The following PINX1 variants were observed in gnomAD, a reference collection of about 807,000 sequenced individuals.
PINX1 encodes the protein PIN2 (TERF1) interacting telomerase inhibitor 1.
PINX1 carries 34 observed loss-of-function variants against 25.4 expected under a neutral mutation model. The observed-to-expected ratio is 1.34, with a 90% CI of 1.02 to 1.78. The LOEUF (loss-of-function observed/expected upper bound fraction) is 1.78, where lower values mean the gene tolerates loss of function less well. PINX1 is among the 40% of genes most tolerant of loss of function. The pLI is 0.00. For missense variants in PINX1, 592 were observed against 404.9 expected (o/e 1.46, Z -3.97); for synonymous variants, 197 against 147.7 (o/e 1.33, Z -2.42).
At chr8:10,782,511 G>A (rs752352452) in intron 6 of PINX1, among the ~76,000 whole-genome samples, 73 of 152,104 alleles carry the variant, frequency 4.8e-4, no homozygotes, top group Non-Finnish European at 8.5e-4. Context: ...CAAGGCAGGC[G>A]GATCATCTGA....
intron 6 of PINX1, among the ~76,000 whole-genome samples, chr8:10,818,757 G>A (rs1034608898): frequency 6.6e-6 from 1 of 152,144 alleles, no homozygotes; most frequent in Non-Finnish European, 1.5e-5. Context: ...TGGGGTGGGG[G>A]CAGCTGTTGG....
At chr8:10,771,622 A>G (rs1269890396) in intron 6 of PINX1, among the ~76,000 whole-genome samples, 1 of 152,242 alleles carries the variant, frequency 6.6e-6, no homozygotes, top group Non-Finnish European at 1.5e-5. Flanking sequence ...ACAAAGGCAC[A>G]AAGACACCAA....
chr8:10,805,825 A>G lies in PINX1; in HGVS notation c.471+14368T>C, dbSNP rs75747012. On this transcript the variant is annotated intron_variant, in intron 6 of 6. Coordinates refer to ENST00000314787, the MANE Select transcript of PINX1 (RefSeq NM_017884.6). ...GCCACACTAGTGCTGAGGGGGTGAC[A>G]GAGCACAGGAAGGGGCCACACTAGC... 7.8e-4 allele frequency among the ~76,000 whole-genome samples: 76 copies of G among 97,858 alleles called. 1 individual carries two copies. The highest frequency in any genetic ancestry group is 7.2e-3 in the Middle Eastern group (1 of 138). The allele number at this position is 97,858 out of a possible 152,430, so 64.2% of individuals were successfully genotyped here.
At chr8:10,810,300 CTAGT>C (rs1312751305) in intron 6 of PINX1, among the ~76,000 whole-genome samples, 1 of 152,188 alleles carries the variant, frequency 6.6e-6, no homozygotes, top group African/African-American at 2.4e-5. Context: ...TTCCACATTG[CTAGT>C]TATATTCCTG....
rs143225584 is a variant in PINX1 at position 10,832,925 on chromosome 8, G to T, written c.189C>A (p.Asn63Lys). 13 of 1,612,114 alleles carry T rather than the reference G, an allele frequency of 8.1e-6. No homozygotes were observed. Among genetic ancestry groups the T allele is most frequent in the Middle Eastern group, 3.3e-4 (2 of 6,060 alleles). The stretch of plus-strand genomic sequence containing the variant: ...TGATGGTAGCTCCGAGTCCCAGGTG[G>T]TTATTTTTCACTTGAACTTTAATAT... ...TDHIKVQVKNNHLGLGATINN... is the reference protein window; with the variant it reads ...TDHIKVQVKNKHLGLGATINN... The change falls in exon 3 of 7, where the codon AAC becomes AAA. Residue 63 changes from asparagine to lysine, a missense_variant. Physicochemically the swap from Asn to Lys is moderately conservative, Grantham distance 94. Coordinates refer to ENST00000314787, the MANE Select transcript of PINX1 (RefSeq NM_017884.6).
intron 6 of PINX1, among the ~76,000 whole-genome samples, chr8:10,797,960 C>G (rs4593498): frequency 0.63 from 95,805 of 151,948 alleles, 31,196 homozygotes; most frequent in African/African-American, 0.78. Flanking sequence ...GCTAAACAGT[C>G]CTTACTACTT....
At chr8:10,833,540 T>C (rs1018944248) in intron 2 of PINX1, 1 of 161,428 alleles carries the variant, frequency 6.2e-6, no homozygotes, top group African/African-American at 2.5e-5. Context: ...CTGCCCTGCA[T>C]GGAGAAGAGA....
chr8:10,810,509 G>C (rs906088404), intron 6 of PINX1, among the ~76,000 whole-genome samples: 1 of 152,134 alleles, frequency 6.6e-6, no homozygotes, highest in Non-Finnish European at 1.5e-5. Flanking sequence ...GATTGTTCAA[G>C]GCATATTTCA....
In PINX1 at chr8:10,788,429, G is replaced by T. The variant is rs182880208; in HGVS notation, c.472-22513C>A. Among the ~76,000 whole-genome samples, 104 of 152,244 alleles carry T rather than the reference G, an allele frequency of 6.8e-4. 1 individual carries two copies. The highest frequency in any genetic ancestry group is 2.5e-3 in the African/African-American group (102 of 41,542). On this transcript the variant is annotated intron_variant, in intron 6 of 6. Transcript: ENST00000314787. ...AATACAAAAAAATCAGCTGGGCATGGTGGCATGTGCCTGCAATCCCAGCTG... is the reference window on the plus strand; with the variant it reads ...AATACAAAAAAATCAGCTGGGCATGTTGGCATGTGCCTGCAATCCCAGCTG...
chr8:10,772,331 C>T (rs1403260853), intron 6 of PINX1, among the ~76,000 whole-genome samples: 3 of 152,194 alleles, frequency 2.0e-5, no homozygotes, highest in East Asian at 3.9e-4. Context: ...ATGGGTTTGC[C>T]ACTGAAGGCT....
intron 6 of PINX1, among the ~76,000 whole-genome samples, chr8:10,799,573 G>A (rs748993529): frequency 2.0e-5 from 3 of 152,176 alleles, no homozygotes; most frequent in Non-Finnish European, 2.9e-5. Flanking sequence ...ACAGGTGAGC[G>A]GCCTGACTGG....
At chr8:10,829,615 C>G (rs1197216903) in intron 4 of PINX1, among the ~76,000 whole-genome samples, 1 of 152,134 alleles carries the variant, frequency 6.6e-6, no homozygotes, top group South Asian at 2.1e-4. Flanking sequence ...CAGTCTAACT[C>G]TGGTGTTTGT....
intron 2 of PINX1, among the ~76,000 whole-genome samples, chr8:10,834,107 G>A (rs1241638633): frequency 6.6e-6 from 1 of 152,170 alleles, no homozygotes; most frequent in Non-Finnish European, 1.5e-5. Flanking sequence ...AAAGGGGCCT[G>A]AGGTTGAGCC....
chr8:10,792,674 G>A (rs969149225), intron 6 of PINX1, among the ~76,000 whole-genome samples: 4 of 152,088 alleles, frequency 2.6e-5, no homozygotes, highest in African/African-American at 7.2e-5. Context: ...CTCTGGCAAA[G>A]GTATTTTTAG....
At chr8:10,801,246 C>T (rs1802255538) in intron 6 of PINX1, among the ~76,000 whole-genome samples, 1 of 152,184 alleles carries the variant, frequency 6.6e-6, no homozygotes. Context: ...CCAATGATGG[C>T]TTACGAAAGC....
At chr8:10,835,651 G>T (rs1798384295) in intron 1 of PINX1, among the ~76,000 whole-genome samples, 1 of 151,998 alleles carries the variant, frequency 6.6e-6, no homozygotes, top group Non-Finnish European at 1.5e-5. Context: ...ATCTCCTTAG[G>T]GCTCATATTC....
At chr8:10,837,378 T>A (rs1251636023) in intron 1 of PINX1, among the ~76,000 whole-genome samples, 1 of 152,246 alleles carries the variant, frequency 6.6e-6, no homozygotes, top group Admixed American at 6.5e-5. Flanking sequence ...TGGCTTAGCC[T>A]GGACTTTGCC....
chr8:10,792,385 C>T (rs1205545938), intron 6 of PINX1, among the ~76,000 whole-genome samples: 1 of 152,014 alleles, frequency 6.6e-6, no homozygotes, highest in East Asian at 1.9e-4. Context: ...GGAGATGCCC[C>T]GGGGGCCACG....
chr8:10,822,894 G>A (rs1432476592), intron 5 of PINX1, among the ~76,000 whole-genome samples: 3 of 152,196 alleles, frequency 2.0e-5, no homozygotes, highest in Admixed American at 1.3e-4. Context: ...AGCTTCAATA[G>A]TTTAGAAAAT....
Sources: gnomAD v4.1 joint callset for allele counts (sites outside exome capture counted in the v4.1 genomes callset) on GRCh38, gnomAD v4.1.1 for gene constraint, MANE v1.5 for transcripts, NCBI Gene and HGNC (gene_info 2026-07-23, HGNC 2026-07-21) for gene names.